The following ZCCHC2 variants were observed in gnomAD, a reference collection of about 807,000 sequenced individuals.
ZCCHC2 encodes zinc finger CCHC-type containing 2, also known as zinc finger CCHC domain-containing protein 2.
ZCCHC2 carries 39 observed loss-of-function variants against 103.6 expected under a neutral mutation model. The ratio of observed to expected loss-of-function variants is 0.38; its 90% CI spans 0.29 to 0.49. The LOEUF is 0.49. Ranked by LOEUF, ZCCHC2 falls within the 20% of genes least tolerant of loss-of-function variation. The pLI, the probability that ZCCHC2 is intolerant of heterozygous loss-of-function variation, is 0.96. For synonymous variants in ZCCHC2, 687 were observed against 608.9 expected (o/e 1.13, Z -1.89); for missense variants, 1,483 against 1,491.0 (o/e 0.99, Z 0.09).
In ZCCHC2 at chr18:62,523,685, G is replaced by T; in HGVS notation, c.261G>T (p.Gly87=). The change falls in exon 1 of 14, where the codon GGG becomes GGT. Residue 87 remains glycine (G), a synonymous_variant. Coordinates refer to ENST00000269499, the MANE Select transcript of ZCCHC2 (RefSeq NM_017742.6). ...AGAGMPGGGG[G]PSAALREQER... The stretch of plus-strand genomic sequence containing the variant: ...CGGGTATGCCGGGCGGCGGCGGGGG[G>T]CCCTCGGCGGCGCTGCGCGAGCAGG... The T allele has an allele frequency of 7.2e-7, 1 of 1,386,064 alleles. No individual in the cohort carries two copies. The highest frequency in any genetic ancestry group is 9.3e-7 in the Non-Finnish European group (1 of 1,072,896). The allele number at this position is 1,386,064 out of a possible 1,614,324, so 85.9% of individuals were successfully genotyped here.
At chr18:62,552,261 T>A (rs917349055) in intron 5 of ZCCHC2, 17 of 152,318 alleles carry the variant, frequency 1.1e-4, no homozygotes, top group African/African-American at 4.1e-4. Flanking sequence ...GATCAGAAGA[T>A]GAAGACTTGC....
At chr18:62,540,796 T>C (rs1915138005) in intron 2 of ZCCHC2, among the ~76,000 whole-genome samples, 1 of 152,210 alleles carries the variant, frequency 6.6e-6, no homozygotes, top group African/African-American at 2.4e-5. Context: ...GTGTAATACA[T>C]GCTTTTTAGT....
intron 3 of ZCCHC2, among the ~76,000 whole-genome samples, chr18:62,543,160 G>GCACGCACCCTGAAGC (rs1915271645): frequency 6.6e-6 from 1 of 152,054 alleles, no homozygotes; most frequent in African/African-American, 2.4e-5. Context: ...AGGTTGGATG[G>GCACGCACCCTGAAGC]CACGCACCCT....
chr18:62,524,487 C>T, intron 1 of ZCCHC2, 124 bp downstream of exon 1: 7 of 1,362,100 alleles, frequency 5.1e-6, no homozygotes, highest in Non-Finnish European at 6.6e-6. Flanking sequence ...GAATCCCCAC[C>T]CGGCAGCTCC....
At chr18:62,579,422 G>A (rs994961829), downstream of ZCCHC2, among the ~76,000 whole-genome samples, 5 of 152,126 alleles carry the variant, frequency 3.3e-5, no homozygotes, top group African/African-American at 7.2e-5. Flanking sequence ...GCTCCACGCC[G>A]CCCTTGACGC....
chr18:62,532,486 C>T lies in ZCCHC2; in HGVS notation c.940-7195C>T, dbSNP rs116527129. On this transcript the variant is annotated intron_variant, in intron 1 of 13. Transcript: ENST00000269499. ...CTTTCTAAAGCAACATTTAATCATA[C>T]TATCTTTTCTTTGAGTGACTGATGG... Among the ~76,000 whole-genome samples, 1,089 of 152,320 alleles carry T rather than the reference C, an allele frequency of 7.1e-3. 8 individuals are homozygous for T. The highest frequency in any genetic ancestry group is 0.025 in the African/African-American group (1,039 of 41,558).
At chr18:62,570,540 G>A (rs1423809034) in intron 12 of ZCCHC2, among the ~76,000 whole-genome samples, 15 of 152,182 alleles carry the variant, frequency 9.9e-5, no homozygotes, top group Admixed American at 9.8e-4. Flanking sequence ...GCATATGTAT[G>A]TTTATGCTCT....
Position 62,574,422 on chromosome 18 carries a change from G to A in ZCCHC2, c.2341G>A (p.Glu781Lys). 6.2e-7 allele frequency: 1 copy of A among 1,614,000 alleles called. No individual in the cohort carries two copies. The highest frequency in any genetic ancestry group is 8.5e-7 in the Non-Finnish European group (1 of 1,179,894). Reference protein sequence around the residue: ...GILGPTACTGESEKHLELLAS... With the variant: ...GILGPTACTGKSEKHLELLAS... ...ACTAGGGCCAACAGCTTGCACTGGA[G>A]AATCGGAAAAGCACCTTGAGTTACT... The change falls in exon 13 of 14, where the codon GAA becomes AAA. Residue 781 changes from glutamate to lysine, a missense_variant. Glu to Lys is a moderately conservative substitution (Grantham distance 56). This residue lies in a region of ZCCHC2 where 884 missense variants were observed against 907.5 expected (regional missense o/e 0.97). Coordinates refer to ENST00000269499, the MANE Select transcript of ZCCHC2 (RefSeq NM_017742.6).
At chr18:62,580,001 G>A (rs200446209), downstream of ZCCHC2, among the ~76,000 whole-genome samples, 1 of 124,940 alleles carries the variant, frequency 8.0e-6, no homozygotes, top group Admixed American at 8.1e-5. Flanking sequence ...AAAGTGCTGA[G>A]ATTACAGGCG....
chr18:62,555,664 C>T (rs1737564549), intron 5 of ZCCHC2, among the ~76,000 whole-genome samples: 1 of 152,122 alleles, frequency 6.6e-6, no homozygotes, highest in Non-Finnish European at 1.5e-5. Context: ...CAAAATTAGC[C>T]AGGCGTGGTG....
intron 7 of ZCCHC2, 67 bp from the exon 8 acceptor site, chr18:62,560,520 G>A: frequency 7.7e-7 from 1 of 1,302,846 alleles, no homozygotes; most frequent in Non-Finnish European, 1.1e-6. Flanking sequence ...ATACAAACTA[G>A]TAGCATCCTA....
At position 62,523,322 on chromosome 18, in the gene ZCCHC2, G is replaced by A. The variant is rs1914134042; in HGVS notation, c.-103G>A. ...CCCGGCCCTCCCCCGGCGGCATGGAGGGGCCCCGCTCCTGACGGCCGCGCC... is the reference window on the plus strand; with the variant it reads ...CCCGGCCCTCCCCCGGCGGCATGGAAGGGCCCCGCTCCTGACGGCCGCGCC... On this transcript the variant is annotated 5_prime_UTR_variant, in exon 1 of 14. Transcript: ENST00000269499. 3.1e-6 allele frequency: 3 copies of A among 981,680 alleles called. No individual in the cohort carries two copies. The South Asian group carries it at 1.4e-4, about 45-fold the overall frequency. 60.8% of individuals were successfully genotyped at this position (981,680 alleles called of 1,614,324 possible). A position where few individuals can be genotyped will look rare whatever the true frequency, so the allele number is the denominator to read the frequency against.
chr18:62,547,223 G>A (rs902366982), intron 4 of ZCCHC2, among the ~76,000 whole-genome samples: 1 of 151,854 alleles, frequency 6.6e-6, no homozygotes, highest in Non-Finnish European at 1.5e-5. Context: ...CTACTCTGGA[G>A]GCTGAGGCAG....
chr18:62,532,194 A>G (rs764640978), intron 1 of ZCCHC2, among the ~76,000 whole-genome samples: 1 of 152,210 alleles, frequency 6.6e-6, no homozygotes, highest in Non-Finnish European at 1.5e-5. Context: ...ATGTGAATCT[A>G]TATAAAAAGA....
chr18:62,531,590 A>G (rs1214109897), intron 1 of ZCCHC2, among the ~76,000 whole-genome samples: 1 of 146,334 alleles, frequency 6.8e-6, no homozygotes, highest in South Asian at 2.2e-4. Flanking sequence ...GGTAAACAAG[A>G]AGGAGATATA....
chr18:62,567,226 A>G (rs1210389022), intron 11 of ZCCHC2, among the ~76,000 whole-genome samples: 4 of 152,214 alleles, frequency 2.6e-5, no homozygotes, highest in Non-Finnish European at 4.4e-5. Flanking sequence ...CCAAGGAAGA[A>G]TTGTCTTTAA....
rs1414414544 is a variant in ZCCHC2, at chr18:62,523,597, T to C, written c.173T>C (p.Leu58Pro). 8.7e-6 allele frequency: 9 copies of C among 1,036,680 alleles called. No homozygotes were observed. Among genetic ancestry groups the C allele is most frequent in the Non-Finnish European group, 1.0e-5 (9 of 863,754 alleles). 64.2% of individuals were successfully genotyped at this position (1,036,680 alleles called of 1,614,324 possible). ...CCCGCGGGCCCGTCGCGGGGCCCTC[T>C]GCCGCCGCCGCCGCCGCCCCGGGGA... is the stretch of plus-strand genomic sequence containing the variant. ...PPPAGPSRGP[L>P]PPPPPPRGLG... Residue 58 changes from leucine (L) to proline (P), a missense_variant, in exon 1 of 14, where the codon CTG (leucine) becomes CCG (proline). Transcript: ENST00000269499.
At chr18:62,558,392 A>AAGAAGCACCTTTCTACTTTATTTCCTCAT (rs1915980906) in intron 6 of ZCCHC2, 4 of 184,346 alleles carry the variant, frequency 2.2e-5, no homozygotes, top group African/African-American at 4.7e-5. Context: ...ACAGATGTTT[A>AAGAAGCACCTTTCTACTTTATTTCCTCAT]AGAAGCACCT....
chr18:62,574,254 G>A lies in ZCCHC2; in HGVS notation c.2173G>A (p.Val725Ile), dbSNP rs1255287933. Residue 725 changes from valine to isoleucine, a missense_variant, in exon 13 of 14, where the codon GTC (valine) becomes ATC (isoleucine). By Grantham distance (29) the Val-to-Ile change is conservative. Around this residue, in one of 3 missense-constraint regions of ZCCHC2, gnomAD observed 884 missense variants for 907.5 expected, o/e 0.97. Transcript: ENST00000269499. ...TTCTTTTATGCCAACGTTACACTGT[G>A]TCATGCACAATGGTGCCCAGAAGTC... ...HISFMPTLHCVMHNGAQKSEV... is the reference protein window; with the variant it reads ...HISFMPTLHCIMHNGAQKSEV... The A allele has an allele frequency of 6.2e-7, 1 of 1,614,022 alleles. No individual in the cohort carries two copies. Among genetic ancestry groups the A allele is most frequent in the Non-Finnish European group, 8.5e-7 (1 of 1,179,900 alleles).
Sources: gnomAD v4.1 joint callset for allele counts (sites outside exome capture counted in the v4.1 genomes callset) on GRCh38, gnomAD v4.1.1 for gene constraint, gnomAD v4.1.1 regional missense constraint, MANE v1.5 for transcripts, NCBI Gene and HGNC (gene_info 2026-07-23, HGNC 2026-07-21) for gene names.